The following SF3B2 variants were observed in gnomAD, a reference collection of about 807,000 sequenced individuals.
SF3B2 encodes the protein splicing factor 3b subunit 2.
SF3B2 carries 22 observed loss-of-function variants against 116.3 expected under a neutral mutation model. The ratio of observed to expected loss-of-function variants is 0.19; its 90% CI spans 0.14 to 0.27. The LOEUF (loss-of-function observed/expected upper bound fraction) is 0.27, where lower values mean the gene tolerates loss of function less well. Among genes scored for constraint, SF3B2 ranks in the 10% least tolerant of loss-of-function variants. The pLI is 1.00. For missense variants in SF3B2, 767 were observed against 1,151.4 expected, an observed-to-expected ratio of 0.67 and a Z score of 4.83; for synonymous variants, 406 against 421.6, an observed-to-expected ratio of 0.96 and a Z score of 0.45.
In SF3B2 at chr11:66,059,246, C is replaced by T; in HGVS notation, c.1228C>T (p.Leu410Phe). The change falls in exon 11 of 22, where the codon CTT (leucine) becomes TTT (phenylalanine). Residue 410 changes from leucine to phenylalanine, a missense_variant. Transcript: ENST00000322535. The surrounding 1 kb of genome is among the most constrained non-coding windows in gnomAD (Gnocchi z 5.0). Reference protein sequence around the residue: ...KKEKEKEPEKLDKLENSAAPK... With the variant: ...KKEKEKEPEKFDKLENSAAPK... Reference sequence around the variant, plus strand: ...GGAGAAAGAGAAGGAGCCAGAGAAACTTGACAAACTGGAGAACTCTGCAGC... The same window carrying T: ...GGAGAAAGAGAAGGAGCCAGAGAAATTTGACAAACTGGAGAACTCTGCAGC... 3.1e-6 allele frequency: 5 copies of T among 1,614,030 alleles called. No homozygotes were observed. Among genetic ancestry groups the T allele is most frequent in the Non-Finnish European group, 4.2e-6 (5 of 1,180,004 alleles).
At chr11:66,058,211 C>T (rs1857036775) in intron 8 of SF3B2, 61 bp downstream of exon 8, 2 of 1,576,774 alleles carry the variant, frequency 1.3e-6, no homozygotes, top group Non-Finnish European at 1.7e-6. Flanking sequence ...GCTGAGTCCT[C>T]ATCCCTCTGT....
intron 3 of SF3B2, among the ~76,000 whole-genome samples, chr11:66,054,467 ACT>A (rs1206441489): frequency 2.4e-5 from 3 of 125,068 alleles, no homozygotes; most frequent in Non-Finnish European, 5.1e-5. Context: ...ACAGAGCGAG[ACT>A]CTTGTCTCAA....
Position 66,053,012 on chromosome 11 carries a change from C to CT in SF3B2, c.181-12dup. 1 of 1,613,924 alleles carries CT rather than the reference C, an allele frequency of 6.2e-7. No homozygotes were observed. Among genetic ancestry groups the CT allele is most frequent in the Non-Finnish European group, 8.5e-7 (1 of 1,179,790 alleles). The stretch of plus-strand genomic sequence containing the variant: ...GCTAGTTTTGGACTGACCTAGAGTC[C>CT]TTTCTCTTTTGCAGACTGGCATCGT... On this transcript the variant is annotated splice_polypyrimidine_tract_variant and intron_variant, in intron 2 of 21. Coordinates refer to ENST00000322535, the MANE Select transcript of SF3B2 (RefSeq NM_006842.3).
intron 19 of SF3B2, chr11:66,065,939 C>G (rs1428772679): frequency 6.6e-6 from 1 of 152,188 alleles, no homozygotes; most frequent in East Asian, 1.9e-4. Context: ...GTGGCGTGAT[C>G]TCGGCTTACT....
chr11:66,052,828 G>C (rs959529628), intron 2 of SF3B2, 109 bp downstream of exon 2: 1 of 1,347,570 alleles, frequency 7.4e-7, no homozygotes. Context: ...ACAGCAAGGC[G>C]GAGGCTTGCC....
chr11:66,059,130 C>G lies in SF3B2; in HGVS notation c.1183-71C>G. ...GTGAGAGGCAGCGGTGAACAGGCATCTTTTAGTGCTGGCCTTAGGAACTGG... is the reference window on the plus strand; with the variant it reads ...GTGAGAGGCAGCGGTGAACAGGCATGTTTTAGTGCTGGCCTTAGGAACTGG... On this transcript the variant is annotated intron_variant, in intron 10 of 21. Transcript: ENST00000322535. This position sits in a 1 kb window ranked among gnomAD's most constrained non-coding sequence, Gnocchi z 5.0. The G allele has an allele frequency of 6.2e-7, 1 of 1,610,654 alleles. No homozygotes were observed. Among genetic ancestry groups the G allele is most frequent in the Non-Finnish European group, 8.5e-7 (1 of 1,177,938 alleles).
chr11:66,056,907 C>T lies in SF3B2; in HGVS notation c.619C>T (p.Pro207Ser), dbSNP rs1024158062. The change falls in exon 6 of 22, where the codon CCA (proline) becomes TCA (serine). Residue 207 changes from proline (P) to serine (S), a missense_variant. By Grantham distance (74) the Pro-to-Ser change is moderately conservative. This residue lies in a region of SF3B2 where 455 missense variants were observed against 537.5 expected (regional missense o/e 0.85). Transcript: ENST00000322535. Reference protein sequence around the residue: ...AKMGTPVPRPPQDMGQIGVRT... With the variant: ...AKMGTPVPRPSQDMGQIGVRT... ...GATGGGCACCCCAGTCCCTCGGCCC[C>T]CACAAGACATGGGCCAGATTGGTGT... 4 of 1,614,050 alleles carry T rather than the reference C, an allele frequency of 2.5e-6. No individual in the cohort carries two copies. In the Admixed American group the frequency reaches 6.7e-5, roughly 27 times the overall value.
At position 66,059,332 on chromosome 11, in the gene SF3B2, C is replaced by T. The variant is rs143148362; in HGVS notation, c.1314C>T (p.Asp438=). ...ACAGTGATGATGACAGCAGTGATGA[C>T]GAGCAGGTCAGGCCCAGCCCTCCTG... ...HKDSDDDSSD[D]EQEKKPEAPK... is the part of the protein sequence containing the mutation. Residue 438 remains aspartate (D), a synonymous_variant, in exon 11 of 22, where the codon GAC becomes GAT. Transcript: ENST00000322535. The surrounding 1 kb of genome is among the most constrained non-coding windows in gnomAD (Gnocchi z 5.0). The T allele has an allele frequency of 2.5e-4, 409 of 1,613,804 alleles. No homozygotes were observed. Among genetic ancestry groups the T allele is most frequent in the Non-Finnish European group, 3.1e-4 (361 of 1,179,896 alleles).
rs1210159550 is a variant in SF3B2 at position 66,067,939 on chromosome 11, T to G, written c.2331-7T>G. 1 of 1,612,168 alleles carries G rather than the reference T, an allele frequency of 6.2e-7. No individual in the cohort carries two copies. The highest frequency in any genetic ancestry group is 1.3e-5 in the African/African-American group (1 of 74,756). ...CTTTTTGGGCCTGATCCCATTGTCCTTCGCAGAAGTGAGACACCTCAGCTC... is the reference window on the plus strand; with the variant it reads ...CTTTTTGGGCCTGATCCCATTGTCCGTCGCAGAAGTGAGACACCTCAGCTC... On this transcript the variant is annotated splice_polypyrimidine_tract_variant and splice_region_variant and intron_variant, in intron 19 of 21. Transcript: ENST00000322535.
chr11:66,067,967 C>T lies in SF3B2; in HGVS notation c.2352C>T (p.Phe784=), dbSNP rs758597724. The change falls in exon 20 of 22, where the codon TTC becomes TTT. Residue 784 remains phenylalanine, a synonymous_variant. Transcript: ENST00000322535. ...AMDGSETPQL[F]TVLPEKRTAT... The stretch of plus-strand genomic sequence containing the variant: ...GCAGAAGTGAGACACCTCAGCTCTT[C>T]ACTGTGTTGCCAGAGAAGAGAACAG... 1 of 1,614,168 alleles carries T rather than the reference C, an allele frequency of 6.2e-7. No homozygotes were observed. The highest frequency in any genetic ancestry group is 8.5e-7 in the Non-Finnish European group (1 of 1,180,010).
intron 2 of SF3B2, 138 bp downstream of exon 2, chr11:66,052,857 C>T (rs961903596): frequency 8.0e-7 from 1 of 1,247,308 alleles, no homozygotes; most frequent in Non-Finnish European, 1.1e-6. Context: ...CTTGTTCTTG[C>T]CTTTGCCAGC....
In SF3B2 at chr11:66,059,077, G is replaced by C. The variant is rs759983328; in HGVS notation, c.1182+32G>C. 2 of 1,609,932 alleles carry C rather than the reference G, an allele frequency of 1.2e-6. No homozygotes were observed. The highest frequency in any genetic ancestry group is 2.7e-5 in the African/African-American group (2 of 74,756). ...GGAGAGCACACTAGGAAGGGGCAGT[G>C]CCAAACAGGGAAGGGGCTCAGAGGT... On this transcript the variant is annotated intron_variant, in intron 10 of 21. Transcript: ENST00000322535. The surrounding 1 kb of genome is among the most constrained non-coding windows in gnomAD (Gnocchi z 5.0).
At position 66,059,070 on chromosome 11, in the gene SF3B2, G is replaced by A; in HGVS notation, c.1182+25G>A. 6.2e-7 allele frequency: 1 copy of A among 1,610,848 alleles called. No homozygotes were observed. The highest frequency in any genetic ancestry group is 8.5e-7 in the Non-Finnish European group (1 of 1,177,362). The stretch of plus-strand genomic sequence containing the variant: ...GGTACAAGGAGAGCACACTAGGAAG[G>A]GGCAGTGCCAAACAGGGAAGGGGCT... On this transcript the variant is annotated intron_variant, in intron 10 of 21. Coordinates refer to ENST00000322535, the MANE Select transcript of SF3B2 (RefSeq NM_006842.3). The surrounding 1 kb of genome is among the most constrained non-coding windows in gnomAD (Gnocchi z 5.0).
intron 19 of SF3B2, chr11:66,064,629 G>A (rs1340885950): frequency 1.3e-5 from 2 of 152,092 alleles, no homozygotes; most frequent in African/African-American, 4.8e-5. Context: ...GTATATCCAG[G>A]TTTCTATCTG....
In SF3B2 at chr11:66,068,261, G is replaced by A. The variant is rs144057362; in HGVS notation, c.2544G>A (p.Val848=). 1.2e-6 allele frequency: 2 copies of A among 1,613,914 alleles called. No homozygotes were observed. Among genetic ancestry groups the A allele is most frequent in the African/African-American group, 2.7e-5 (2 of 74,948 alleles). ...MAMTQKYEEH[V]REQQAQVEKE... ...TGACCCAGAAGTATGAGGAGCATGT[G>A]CGGGAGCAGCAGGCTCAAGTAGAGA... Residue 848 remains valine, a synonymous_variant, in exon 21 of 22, where the codon GTG becomes GTA. Transcript: ENST00000322535.
Position 66,052,517 on chromosome 11 carries a change from G to A in SF3B2, c.133G>A (p.Gly45Ser). 5 of 1,612,052 alleles carry A rather than the reference G, an allele frequency of 3.1e-6. No individual in the cohort carries two copies. The highest frequency in any genetic ancestry group is 2.2e-5 in the East Asian group (1 of 44,806). Residue 45 changes from glycine to serine, a missense_variant and splice_region_variant, in exon 1 of 22, where the codon GGT becomes AGT. Physicochemically the swap from Gly to Ser is moderately conservative, Grantham distance 56. This residue lies in a region of SF3B2 where 455 missense variants were observed against 537.5 expected (regional missense o/e 0.85). Coordinates refer to ENST00000322535, the MANE Select transcript of SF3B2 (RefSeq NM_006842.3). ...GGCAGAGATCGGAGCTCCGATCCAG[G>A]GTGAGGAACACAGGAAGTCGAGGGG... The part of the protein sequence containing the change: ...KLAEIGAPIQ[G>S]NREELVERLQ...
chr11:66,063,673 G>C lies in SF3B2; in HGVS notation c.2274G>C (p.Met758Ile), dbSNP rs1857133588. ...PGGFSSVPAG[M>I]ETPELIELRK... ...GCTTTTCATCAGTGCCTGCTGGAAT[G>C]GAGACCCCTGAACTCATTGAGCTGA... Residue 758 changes from methionine to isoleucine, a missense_variant, in exon 19 of 22, where the codon ATG becomes ATC. Met to Ile is a conservative substitution (Grantham distance 10). Around this residue, in one of 4 missense-constraint regions of SF3B2, gnomAD observed 282 missense variants for 568.0 expected, o/e 0.50. Coordinates refer to ENST00000322535, the MANE Select transcript of SF3B2 (RefSeq NM_006842.3). 1.9e-6 allele frequency: 3 copies of C among 1,613,768 alleles called. No homozygotes were observed. The highest frequency in any genetic ancestry group is 2.5e-6 in the Non-Finnish European group (3 of 1,179,914).
chr11:66,056,199 C>T (rs568438587), intron 5 of SF3B2, among the ~76,000 whole-genome samples: 1 of 152,134 alleles, frequency 6.6e-6, no homozygotes, highest in African/African-American at 2.4e-5. Flanking sequence ...CTCAGGAGTT[C>T]GAGACCAGCC....
At chr11:66,057,103 C>T in intron 6 of SF3B2, 148 bp downstream of exon 6, 2 of 843,584 alleles carry the variant, frequency 2.4e-6, no homozygotes, top group Non-Finnish European at 4.1e-6. Context: ...ACCTGTACAA[C>T]CAGCACCTGG....
Sources: gnomAD v4.1 joint callset for allele counts (sites outside exome capture counted in the v4.1 genomes callset) on GRCh38, gnomAD v4.1.1 for gene constraint, gnomAD v4.1.1 regional missense constraint, Gnocchi (gnomAD v3.1) non-coding constraint, MANE v1.5 for transcripts, NCBI Gene and HGNC (gene_info 2026-07-23, HGNC 2026-07-21) for gene names.